The following MAF variants were observed in gnomAD, a reference collection of about 807,000 sequenced individuals.
The protein encoded by MAF is MAF bZIP transcription factor, also known as transcription factor Maf.
Under a neutral mutation model 22.0 loss-of-function variants are expected in MAF, and 10 were observed. That is an observed-to-expected ratio of 0.45 (90% CI 0.28 to 0.77). The LOEUF (loss-of-function observed/expected upper bound fraction) is 0.77. Among genes scored for constraint, MAF ranks in the 30% least tolerant of loss-of-function variants. The pLI is 0.12. For missense variants in MAF, 544 were observed against 548.4 expected, an observed-to-expected ratio of 0.99 and a Z score of 0.08; for synonymous variants, 337 against 255.8, an observed-to-expected ratio of 1.32 and a Z score of -3.03.
At chr16:79,303,708 C>G in the MAF span, among the ~76,000 whole-genome samples, 1 of 152,016 alleles carries the variant, frequency 6.6e-6, no homozygotes, top group Non-Finnish European at 1.5e-5. Flanking sequence ...TGAGGCACAC[C>G]CGTAAGAAAG....
At chr16:79,207,466 C>T in the MAF span, among the ~76,000 whole-genome samples, 1 of 152,368 alleles carries the variant, frequency 6.6e-6, no homozygotes, top group African/African-American at 2.4e-5. Flanking sequence ...ATCTAACTTC[C>T]AGGGTTCATT....
the MAF span, among the ~76,000 whole-genome samples, chr16:79,424,121 G>A: frequency 1.3e-5 from 2 of 152,162 alleles, no homozygotes; most frequent in Non-Finnish European, 1.5e-5. Flanking sequence ...CAAACCACAT[G>A]GTCATCAAGG....
the MAF span, chr16:79,516,024 T>C: frequency 2.1e-5 from 3 of 144,338 alleles, no homozygotes; most frequent in Non-Finnish European, 4.5e-5. Context: ...ATGAAGCTCC[T>C]GGCTCAAGTG....
chr16:79,448,699 A>T, the MAF span, among the ~76,000 whole-genome samples: 1 of 152,076 alleles, frequency 6.6e-6, no homozygotes, highest in African/African-American at 2.4e-5. Flanking sequence ...TGCTGGGATT[A>T]CAGGCATGAG....
At chr16:79,529,709 C>G in the MAF span, among the ~76,000 whole-genome samples, 2 of 152,052 alleles carry the variant, frequency 1.3e-5, no homozygotes. Flanking sequence ...GCCTGTAATC[C>G]CAGTACTTTG....
the MAF span, among the ~76,000 whole-genome samples, chr16:79,534,836 C>A: frequency 6.6e-6 from 1 of 152,304 alleles, no homozygotes; most frequent in Non-Finnish European, 1.5e-5. Flanking sequence ...AGAAAGAAAG[C>A]AGATTTGGAA....
the MAF span, among the ~76,000 whole-genome samples, chr16:79,421,783 G>GA: frequency 2.6e-5 from 4 of 151,140 alleles, no homozygotes; most frequent in Non-Finnish European, 5.9e-5. Flanking sequence ...CTTTTGTTTT[G>GA]TTTTTTTCTT....
At chr16:79,382,741 C>G in the MAF span, among the ~76,000 whole-genome samples, 5 of 152,078 alleles carry the variant, frequency 3.3e-5, no homozygotes, top group Non-Finnish European at 7.4e-5. Flanking sequence ...TCAGAAAAAG[C>G]AGAGGTTGAA....
chr16:79,472,598 G>C, the MAF span, among the ~76,000 whole-genome samples: 2 of 152,118 alleles, frequency 1.3e-5, no homozygotes, highest in Non-Finnish European at 2.9e-5. Context: ...TAGATGAGTG[G>C]TTGCCTAGGG....
At chr16:79,303,389 G>A in the MAF span, among the ~76,000 whole-genome samples, 1 of 152,198 alleles carries the variant, frequency 6.6e-6, no homozygotes, top group Non-Finnish European at 1.5e-5. Context: ...GAAGTTAAAG[G>A]CACTGCCTAC....
the MAF span, among the ~76,000 whole-genome samples, chr16:79,213,756 G>A: frequency 6.6e-6 from 1 of 151,942 alleles, no homozygotes; most frequent in African/African-American, 2.4e-5. Context: ...CAATTCAGAG[G>A]AGAAGAAACT....
At chr16:79,211,749 C>T in the MAF span, 1 of 1,614,214 alleles carries the variant, frequency 6.2e-7, no homozygotes, top group Non-Finnish European at 8.5e-7. Context: ...CCTGTGGGCG[C>T]TCAGCGAGAG....
the MAF span, among the ~76,000 whole-genome samples, chr16:79,317,265 C>T: frequency 6.9e-6 from 1 of 145,690 alleles, no homozygotes; most frequent in African/African-American, 2.6e-5. Flanking sequence ...TCTTTCCTTC[C>T]TTCCCTCCCT....
chr16:79,439,136 T>A, the MAF span, among the ~76,000 whole-genome samples: 3 of 152,148 alleles, frequency 2.0e-5, no homozygotes, highest in Admixed American at 6.5e-5. Flanking sequence ...AGCACTGCCT[T>A]GCGTTCATTC....
intron 1 of MAF, chr16:79,595,417 T>C (rs1300911716): frequency 9.5e-7 from 1 of 1,054,482 alleles, no homozygotes; most frequent in African/African-American, 1.7e-5. Flanking sequence ...TATTATCTTT[T>C]TTTCTTTTAA....
the MAF span, among the ~76,000 whole-genome samples, chr16:79,412,249 C>T: frequency 6.6e-6 from 1 of 152,090 alleles, no homozygotes; most frequent in South Asian, 2.1e-4. Flanking sequence ...CGGTGAGGTA[C>T]AGTTGTGTTC....
chr16:79,591,813 A>C (rs1299335560), downstream of MAF, among the ~76,000 whole-genome samples: 2 of 152,240 alleles, frequency 1.3e-5, no homozygotes, highest in Non-Finnish European at 2.9e-5. Flanking sequence ...TATTGGTACA[A>C]CATGTCTGGC....
At chr16:79,478,982 A>G in the MAF span, among the ~76,000 whole-genome samples, 2 of 151,950 alleles carry the variant, frequency 1.3e-5, no homozygotes, top group Non-Finnish European at 2.9e-5. Flanking sequence ...GCACCACCTC[A>G]GCATACCTGT....
At chr16:79,431,902 C>G in the MAF span, among the ~76,000 whole-genome samples, 1 of 152,156 alleles carries the variant, frequency 6.6e-6, no homozygotes, top group Admixed American at 6.5e-5. Flanking sequence ...ACCTTTCCCT[C>G]ATATGCCTAT....
Sources: allele counts gnomAD v4.1 joint callset (sites outside exome capture counted in the v4.1 genomes callset), GRCh38; gene constraint gnomAD v4.1.1; transcripts MANE v1.5; gene names NCBI Gene and HGNC (gene_info 2026-07-23, HGNC 2026-07-21).